Variants in DMD observed in about 807,000 individuals in gnomAD.
The protein encoded by DMD is mutant dystrophin.
Under a neutral mutation model 330.1 loss-of-function variants are expected in DMD, and 63 were observed. The observed-to-expected ratio is 0.19, with a 90% CI of 0.16 to 0.24. The LOEUF is 0.24. Among genes scored for constraint, DMD ranks in the 10% least tolerant of loss-of-function variants. DMD has a pLI of 1.00. For synonymous variants in DMD, 1,223 were observed against 959.8 expected, an observed-to-expected ratio of 1.27 and a Z score of -5.07; for missense variants, 3,344 against 2,684.1, an observed-to-expected ratio of 1.25 and a Z score of -5.43.
At chrX:32,421,158 G>A (rs193056697) in intron 29 of DMD, among the ~76,000 whole-genome samples, 1 of 112,329 alleles carries the variant, frequency 8.9e-6, no homozygotes, top group Non-Finnish European at 1.9e-5. Flanking sequence ...TGATTGTCAT[G>A]GCTCTGGAGA....
chrX:32,142,327 T>A (rs2096757563), intron 44 of DMD, among the ~76,000 whole-genome samples: 1 of 112,076 alleles, frequency 8.9e-6, no homozygotes, highest in Admixed American at 9.5e-5. Context: ...AAATGGTCCA[T>A]CCTTCCTCAC....
chrX:31,508,160 C>G (rs2071135332), intron 55 of DMD: 3 of 1,048,997 alleles, frequency 2.9e-6, no homozygotes, highest in Non-Finnish European at 4.0e-6. Flanking sequence ...TTCAACTTCA[C>G]TTGTATACAC....
chrX:32,817,704 A>G (rs1825029089), intron 5 of DMD, among the ~76,000 whole-genome samples: 2 of 111,887 alleles, frequency 1.8e-5, no homozygotes, highest in South Asian at 7.3e-4. Context: ...TGTGCATTCT[A>G]AATATGACAA....
At chrX:31,629,865 G>A (rs967128488) in intron 54 of DMD, among the ~76,000 whole-genome samples, 1 of 111,740 alleles carries the variant, frequency 8.9e-6, no homozygotes, top group African/African-American at 3.3e-5. Flanking sequence ...TGCAAAATTT[G>A]GAACAGAAAT....
intron 44 of DMD, among the ~76,000 whole-genome samples, chrX:32,015,427 A>C (rs1330409902): frequency 1.8e-5 from 2 of 110,863 alleles, no homozygotes; most frequent in Non-Finnish European, 3.8e-5. Flanking sequence ...TTGGAGTGTC[A>C]GAACCCCCTG....
chrX:32,739,531 G>C (rs371973180), intron 7 of DMD, among the ~76,000 whole-genome samples: 1 of 111,492 alleles, frequency 9.0e-6, no homozygotes, highest in East Asian at 2.8e-4. Context: ...AGAATGATTT[G>C]GAAAAGGTTT....
chrX:32,483,088 T>A (rs771654260), intron 21 of DMD, among the ~76,000 whole-genome samples: 1 of 98,618 alleles, frequency 1.0e-5, no homozygotes, highest in East Asian at 3.3e-4. Context: ...TTATTTGAAT[T>A]AATTTCAAAT....
At chrX:32,859,465 AC>A (rs2081894377) in intron 2 of DMD, among the ~76,000 whole-genome samples, 1 of 33,317 alleles carries the variant, frequency 3.0e-5, no homozygotes, top group Non-Finnish European at 4.9e-5. Flanking sequence ...AAGATCTCAC[AC>A]ACACACACAC....
Position 31,942,758 on chromosome X carries a change from A to G in DMD, c.6615-10531T>C, listed in dbSNP as rs1468674086. On this transcript the variant is annotated intron_variant, in intron 45 of 78. Coordinates refer to ENST00000357033, the MANE Select transcript of DMD (RefSeq NM_004006.3). Reference sequence around the variant, plus strand: ...AATACTGTAATTTCCCATGTTCATCAAACTATTGCAGATTTTCTATCTATT... The same window carrying G: ...AATACTGTAATTTCCCATGTTCATCGAACTATTGCAGATTTTCTATCTATT... Among the ~76,000 whole-genome samples the G allele has an allele frequency of 2.7e-5, 3 of 112,219 alleles. No individual in the cohort carries two copies. In the Admixed American group the frequency reaches 2.8e-4, roughly 11 times the overall value.
chrX:32,276,491 G>A (rs1462163741), intron 43 of DMD, among the ~76,000 whole-genome samples: 1 of 111,859 alleles, frequency 8.9e-6, no homozygotes, highest in Admixed American at 9.5e-5. Context: ...TTAAGGAGAG[G>A]AGAGTGAAAA....
rs751130511 is a variant in DMD, at chrX:31,445,505, CA to C, written c.8938-879del. 3.6e-5 allele frequency among the ~76,000 whole-genome samples: 4 copies of C among 112,288 alleles called. No homozygotes were observed. In the South Asian group the frequency reaches 1.5e-3, roughly 42 times the overall value. ...TGGATTCTAAATTCTACTCATGTCA[CA>C]ACCAGAAATGGATCCTTATTTTTTA... On this transcript the variant is annotated intron_variant, in intron 59 of 78. Transcript: ENST00000357033.
intron 7 of DMD, among the ~76,000 whole-genome samples, chrX:32,745,357 C>T (rs1437869074): frequency 8.9e-6 from 1 of 112,289 alleles, no homozygotes; most frequent in African/African-American, 3.2e-5. Flanking sequence ...TGTATCAACA[C>T]AGCACTCACA....
At chrX:32,048,625 T>C (rs1453764194) in intron 44 of DMD, among the ~76,000 whole-genome samples, 1 of 110,558 alleles carries the variant, frequency 9.0e-6, no homozygotes, top group African/African-American at 3.3e-5. Flanking sequence ...ATTTTTTTCA[T>C]CGTACTTTTA....
At chrX:31,494,049 C>T (rs2069581791) in intron 57 of DMD, among the ~76,000 whole-genome samples, 1 of 106,087 alleles carries the variant, frequency 9.4e-6, no homozygotes, top group African/African-American at 3.5e-5. Flanking sequence ...CCCAGCTACT[C>T]GGGAGGCTGA....
chrX:32,571,489 T>TA (rs1477510239), intron 15 of DMD, among the ~76,000 whole-genome samples: 1 of 111,619 alleles, frequency 9.0e-6, no homozygotes, highest in Non-Finnish European at 1.9e-5. Flanking sequence ...ATCCTCTGCC[T>TA]ACTCCTTGAT....
chrX:32,251,888 G>A lies in DMD; in HGVS notation c.6291-34825C>T, dbSNP rs371836380. On this transcript the variant is annotated intron_variant, in intron 43 of 78. Coordinates refer to ENST00000357033, the MANE Select transcript of DMD (RefSeq NM_004006.3). ...AGTCCCAGCTACCCAGGAAGCTGAG[G>A]TAGGAGGGTGATATGGGAGGATTGC... 1.6e-4 allele frequency among the ~76,000 whole-genome samples: 18 copies of A among 111,054 alleles called. No individual in the cohort carries two copies. The East Asian group carries it at 5.1e-3, about 32-fold the overall frequency.
Position 31,186,852 on chromosome X carries a change from G to C in DMD, c.9808-3948C>G, listed in dbSNP as rs561472185. 2.7e-5 allele frequency among the ~76,000 whole-genome samples: 3 copies of C among 112,611 alleles called. No homozygotes were observed. In the South Asian group the frequency reaches 1.1e-3, roughly 42 times the overall value. On this transcript the variant is annotated intron_variant, in intron 67 of 78. Coordinates refer to ENST00000357033, the MANE Select transcript of DMD (RefSeq NM_004006.3). ...ACTGAGTCCAAACTCAGCATTCATC[G>C]AGTCCAAACTCTTACCCATGCCAGT...
At chrX:32,369,443 C>T (rs1260493572) in intron 34 of DMD, among the ~76,000 whole-genome samples, 1 of 111,477 alleles carries the variant, frequency 9.0e-6, no homozygotes, top group African/African-American at 3.3e-5. Context: ...CGGCTCACTT[C>T]ACTGATACAG....
chrX:32,946,496 G>A (rs1418133594), intron 2 of DMD, among the ~76,000 whole-genome samples: 3 of 111,538 alleles, frequency 2.7e-5, no homozygotes, highest in Non-Finnish European at 5.7e-5. Context: ...AAAATCTAAC[G>A]TAAATTCAAT....
Sources: allele counts gnomAD v4.1 joint callset (sites outside exome capture counted in the v4.1 genomes callset), GRCh38; gene constraint gnomAD v4.1.1; transcripts MANE v1.5; gene names NCBI Gene and HGNC (gene_info 2026-07-23, HGNC 2026-07-21).